Variants in PRKN observed in about 807,000 individuals in gnomAD.
The protein encoded by PRKN is E3 ubiquitin-protein ligase parkin.
In PRKN, 56 loss-of-function variants were observed where a neutral mutation model predicts 59.5. The observed-to-expected ratio is 0.94, with a 90% confidence interval of 0.76 to 1.18. PRKN has a LOEUF of 1.18. Among genes scored for constraint, PRKN ranks in the 50% most tolerant of loss-of-function variants. The probability of loss-of-function intolerance (pLI) is 0.00; values close to 1 mark genes in which losing one functional copy is unlikely to be tolerated. For missense variants in PRKN, 657 were observed against 596.4 expected (o/e 1.10, Z -1.06); for synonymous variants, 250 against 222.1 (o/e 1.13, Z -1.12).
At chr6:161,864,384 TTTGA>T (rs1413157603) in intron 6 of PRKN, among the ~76,000 whole-genome samples, 1 of 152,236 alleles carries the variant, frequency 6.6e-6, no homozygotes, top group East Asian at 1.9e-4. Context: ...CCTGTTCAAG[TTTGA>T]TTATGAGATT....
At chr6:161,731,592 T>C (rs1787714328) in intron 7 of PRKN, among the ~76,000 whole-genome samples, 1 of 152,224 alleles carries the variant, frequency 6.6e-6, no homozygotes, top group African/African-American at 2.4e-5. Context: ...CTAATAAAAG[T>C]TGTAAAGGCT....
chr6:162,222,595 C>A (rs944107065), intron 3 of PRKN, among the ~76,000 whole-genome samples: 3 of 152,138 alleles, frequency 2.0e-5, no homozygotes, highest in Non-Finnish European at 2.9e-5. Context: ...TCCCAAACTG[C>A]AGAAAGGAAC....
intron 4 of PRKN, among the ~76,000 whole-genome samples, chr6:162,055,561 G>C (rs924255367): frequency 6.6e-6 from 1 of 152,196 alleles, no homozygotes; most frequent in East Asian, 1.9e-4. Flanking sequence ...AGTAAGAGGT[G>C]GGTTGTCTCC....
intron 3 of PRKN, among the ~76,000 whole-genome samples, chr6:162,219,043 A>T (rs1011098418): frequency 6.6e-6 from 1 of 152,078 alleles, no homozygotes. Flanking sequence ...TAAATAAATT[A>T]GCTGGTCATG....
intron 2 of PRKN, among the ~76,000 whole-genome samples, chr6:162,380,398 TA>T (rs1786368006): frequency 1.2e-4 from 2 of 17,266 alleles, no homozygotes; most frequent in African/African-American, 3.0e-3. Context: ...AGTTTAAAGC[TA>T]TATATATATA....
intron 3 of PRKN, 36 bp from the exon 4 acceptor site, chr6:162,201,288 G>A (rs775903633): frequency 6.2e-7 from 1 of 1,608,484 alleles, no homozygotes. Flanking sequence ...GGCTAATAAT[G>A]CTGCATCTAA....
At chr6:161,534,077 T>C (rs948310782) in intron 9 of PRKN, among the ~76,000 whole-genome samples, 33 of 152,010 alleles carry the variant, frequency 2.2e-4, no homozygotes, top group African/African-American at 5.6e-4. Context: ...CTGGCCTCCA[T>C]TGTCTGCAGG....
In PRKN at chr6:162,025,583, C is replaced by CTTTTTTTTTT. The variant is rs1177676968; in HGVS notation, c.618+28498_618+28507dup. On this transcript the variant is annotated intron_variant, in intron 5 of 11. Transcript: ENST00000366898. Reference sequence around the variant, plus strand: ...TCTCCCAGTGGCCATATCCATGGTGCTTTTTTTTTTTTTTTTTTTTTTTTT... The same window carrying CTTTTTTTTTT: ...TCTCCCAGTGGCCATATCCATGGTGCTTTTTTTTTTTTTTTTTTTTTTTTTTTTTTTTTTT... Among the ~76,000 whole-genome samples, 34 of 59,004 alleles carry CTTTTTTTTTT rather than the reference C, an allele frequency of 5.8e-4. 9 individuals carry two copies. Among genetic ancestry groups the CTTTTTTTTTT allele is most frequent in the African/African-American group, 8.0e-4 (11 of 13,726 alleles). 38.7% of individuals were successfully genotyped at this position (59,004 alleles called of 152,430 possible). A position where few individuals can be genotyped will look rare whatever the true frequency, so the allele number is the denominator to read the frequency against.
chr6:162,556,662 G>A (rs913490500), intron 1 of PRKN, among the ~76,000 whole-genome samples: 1 of 147,456 alleles, frequency 6.8e-6, no homozygotes, highest in Admixed American at 7.0e-5. Flanking sequence ...CAGGAGAATC[G>A]CCTGAACCCG....
At chr6:161,912,415 C>T (rs1395649261) in intron 6 of PRKN, among the ~76,000 whole-genome samples, 1 of 151,020 alleles carries the variant, frequency 6.6e-6, no homozygotes, top group African/African-American at 2.4e-5. Context: ...GCCCCTGTAC[C>T]CCCCCACCCT....
intron 6 of PRKN, among the ~76,000 whole-genome samples, chr6:161,794,300 T>C (rs1195886261): frequency 6.6e-6 from 1 of 152,144 alleles, no homozygotes; most frequent in African/African-American, 2.4e-5. Context: ...ATAAAAATAA[T>C]TGAGTCAAGA....
intron 1 of PRKN, among the ~76,000 whole-genome samples, chr6:162,475,590 T>TGTGTGA (rs59784376): frequency 0.22 from 33,903 of 151,856 alleles, 4,587 homozygotes; most frequent in African/African-American, 0.38. Context: ...CATGAGTGTG[T>TGTGTGA]GTGTGTTTGC....
chr6:161,518,614 TC>T lies in PRKN; in HGVS notation c.1083+30239del, dbSNP rs1323045321. Among the ~76,000 whole-genome samples the T allele has an allele frequency of 2.6e-5, 4 of 152,014 alleles. No homozygotes were observed. The highest frequency in any genetic ancestry group is 9.7e-5 in the African/African-American group (4 of 41,388). ...TTGGTTCAATGTTAATGCCACGGCCTCCCCCTAGCAGCACAAGCCCAGCCTC... is the reference window on the plus strand; with the variant it reads ...TTGGTTCAATGTTAATGCCACGGCCTCCCCTAGCAGCACAAGCCCAGCCTC... On this transcript the variant is annotated intron_variant, in intron 9 of 11. Transcript: ENST00000366898. The surrounding 1 kb of genome is among the most constrained non-coding windows in gnomAD (Gnocchi z 5.0).
chr6:162,355,643 C>G (rs1010768362), intron 2 of PRKN, among the ~76,000 whole-genome samples: 7 of 151,256 alleles, frequency 4.6e-5, no homozygotes, highest in African/African-American at 1.7e-4. Flanking sequence ...CAAAAGTAAG[C>G]AGGAAAGTGG....
chr6:161,654,458 C>T (rs558391837), intron 7 of PRKN, among the ~76,000 whole-genome samples: 1 of 152,224 alleles, frequency 6.6e-6, no homozygotes, highest in East Asian at 1.9e-4. Context: ...AAGCCTGGCC[C>T]CTGCAATGCC....
chr6:161,725,879 C>T (rs576296761), intron 7 of PRKN, among the ~76,000 whole-genome samples: 7 of 152,302 alleles, frequency 4.6e-5, no homozygotes, highest in Admixed American at 2.0e-4. Flanking sequence ...TCGGTCATTG[C>T]TCTTGAGTTT....
At chr6:162,717,544 T>C (rs2128239843) in intron 1 of PRKN, among the ~76,000 whole-genome samples, 2 of 142,328 alleles carry the variant, frequency 1.4e-5, no homozygotes, top group South Asian at 4.4e-4. Flanking sequence ...CCAGTCTGAG[T>C]GACAGAGGGA....
chr6:162,489,568 C>T (rs1792710612), intron 1 of PRKN, among the ~76,000 whole-genome samples: 1 of 152,146 alleles, frequency 6.6e-6, no homozygotes, highest in South Asian at 2.1e-4. Flanking sequence ...TACGCAAAAC[C>T]GCACTTTGCC....
chr6:161,620,959 A>G (rs1343402332), intron 7 of PRKN, among the ~76,000 whole-genome samples: 1 of 152,184 alleles, frequency 6.6e-6, no homozygotes, highest in African/African-American at 2.4e-5. Context: ...AGGCTGTATA[A>G]TTCCGATGAC....
Sources: gnomAD v4.1 joint callset for allele counts (sites outside exome capture counted in the v4.1 genomes callset) on GRCh38, gnomAD v4.1.1 for gene constraint, Gnocchi (gnomAD v3.1) non-coding constraint, MANE v1.5 for transcripts, NCBI Gene and HGNC (gene_info 2026-07-23, HGNC 2026-07-21) for gene names.